Variants in SH3TC1 observed in about 807,000 individuals in gnomAD.
The protein encoded by SH3TC1 is SH3 domain and tetratricopeptide repeats 1, also known as SH3 domain and tetratricopeptide repeat-containing protein 1.
A neutral mutation model predicts 117.3 loss-of-function variants in SH3TC1; 135 were observed. The ratio of observed to expected loss-of-function variants is 1.15; its 90% CI spans 1.00 to 1.33. SH3TC1 has a LOEUF of 1.33. Among genes scored for constraint, SH3TC1 ranks in the 40% most tolerant of loss-of-function variants. SH3TC1 has a pLI of 0.00. For missense variants in SH3TC1, 2,092 were observed against 1,794.3 expected (o/e 1.17, Z -3.00); for synonymous variants, 898 against 816.9 (o/e 1.10, Z -1.69).
At chr4:8,200,629 C>T (rs1365292783) in intron 1 of SH3TC1, among the ~76,000 whole-genome samples, 1 of 152,228 alleles carries the variant, frequency 6.6e-6, no homozygotes, top group Non-Finnish European at 1.5e-5. Flanking sequence ...AAGAGCAAGG[C>T]AGGGCCCAGC....
At chr4:8,221,244 G>A (rs1333940214) in intron 9 of SH3TC1, among the ~76,000 whole-genome samples, 1 of 152,206 alleles carries the variant, frequency 6.6e-6, no homozygotes, top group Non-Finnish European at 1.5e-5. Context: ...CTTACAAGGG[G>A]TCAGAGAAGA....
chr4:8,203,267 T>TGTGCGG (rs1418882735), intron 1 of SH3TC1, among the ~76,000 whole-genome samples: 1 of 131,434 alleles, frequency 7.6e-6, no homozygotes, highest in African/African-American at 2.6e-5. Context: ...GTCTGACAGG[T>TGTGCGG]GTGCGGGTGC....
intron 12 of SH3TC1, among the ~76,000 whole-genome samples, chr4:8,230,969 C>T (rs1014244747): frequency 4.6e-5 from 7 of 151,552 alleles, no homozygotes; most frequent in East Asian, 1.9e-4. Flanking sequence ...TTTGTAGAGA[C>T]GGGGGTTTCA....
chr4:8,227,647 G>T lies in SH3TC1; in HGVS notation c.1953G>T (p.Ala651=). ...CGGAGGGGGAGCTCCTGCAGCTGGC[G>T]CTGCGGCGGGCGGTGGGTGGCCAGA... The part of the protein sequence containing the change: ...TEAEGELLQL[A]LRRAVGGQSL... The change falls in exon 12 of 18, where the codon GCG becomes GCT. Residue 651 remains alanine, a synonymous_variant. Transcript: ENST00000245105. 2.0e-6 allele frequency: 3 copies of T among 1,526,684 alleles called. No homozygotes were observed. Among genetic ancestry groups the T allele is most frequent in the South Asian group, 2.6e-5 (2 of 76,216 alleles). The allele number at this position is 1,526,684 out of a possible 1,614,324, so 94.6% of individuals were successfully genotyped here. A position where few individuals can be genotyped will look rare whatever the true frequency, so the allele number is the denominator to read the frequency against.
chr4:8,239,199 G>C (rs1161908211), intron 17 of SH3TC1, among the ~76,000 whole-genome samples: 4 of 149,798 alleles, frequency 2.7e-5, no homozygotes, highest in African/African-American at 7.6e-5. Context: ...ACTAGCTGCT[G>C]CACGCACTAC....
chr4:8,212,814 G>T lies in SH3TC1; in HGVS notation c.361G>T (p.Ala121Ser), dbSNP rs1486065797. Residue 121 changes from alanine (A) to serine (S), a missense_variant, in exon 4 of 18, where the codon GCC (alanine) becomes TCC (serine). By Grantham distance (99) the Ala-to-Ser change is moderately conservative. Transcript: ENST00000245105. Reference protein sequence around the residue: ...RLLENDSREMARVLGELSARL... With the variant: ...RLLENDSREMSRVLGELSARL... ...GCTGGAGAATGATAGCCGGGAGATG[G>T]CCCGCGTGCTTGGGGTGAGTAGCCC... The T allele has an allele frequency of 3.1e-6, 5 of 1,589,942 alleles. No homozygotes were observed. Among genetic ancestry groups the T allele is most frequent in the Non-Finnish European group, 3.4e-6 (4 of 1,168,402 alleles).
rs1718219257 is a variant in SH3TC1 at position 8,206,476 on chromosome 4, G to A, written c.172+1110G>A. On this transcript the variant is annotated intron_variant, in intron 2 of 17. Coordinates refer to ENST00000245105, the MANE Select transcript of SH3TC1 (RefSeq NM_018986.5). The surrounding 1 kb of genome is among the most constrained non-coding windows in gnomAD (Gnocchi z 5.5). ...GGCCAGCCTCCCACAGAGCCGCGGG[G>A]CCCAGGGAGGAGCTGGGAGCCTCTG... Among the ~76,000 whole-genome samples the A allele has an allele frequency of 6.6e-6, 1 of 152,140 alleles. No homozygotes were observed. The highest frequency in any genetic ancestry group is 2.4e-5 in the African/African-American group (1 of 41,438).
chr4:8,224,827 G>A (rs560518341), intron 10 of SH3TC1, among the ~76,000 whole-genome samples: 1 of 152,340 alleles, frequency 6.6e-6, no homozygotes, highest in Non-Finnish European at 1.5e-5. Flanking sequence ...CTGATGATGG[G>A]AGGATGTCCC....
chr4:8,236,207 T>A, intron 15 of SH3TC1, 71 bp from the exon 16 acceptor site: 2 of 1,461,282 alleles, frequency 1.4e-6, no homozygotes, highest in Non-Finnish European at 1.8e-6. Flanking sequence ...GAGCACATGT[T>A]TGAGCTCTGA....
At chr4:8,218,208 C>T in intron 7 of SH3TC1, 63 bp from the exon 8 acceptor site, 2 of 1,349,140 alleles carry the variant, frequency 1.5e-6, no homozygotes, top group Non-Finnish European at 2.1e-6. Context: ...CCAGTCTCTG[C>T]ACAGGATGTA....
At chr4:8,235,731 A>AACACTTGGGGCCTGGACAC (rs975602541) in intron 15 of SH3TC1, 176 bp downstream of exon 15, 1 of 874,700 alleles carries the variant, frequency 1.1e-6, no homozygotes, top group African/African-American at 1.7e-5. Context: ...GCCCGGGACA[A>AACACTTGGGGCCTGGACAC]ACACTTGGGG....
intron 6 of SH3TC1, among the ~76,000 whole-genome samples, 162 bp from the exon 7 acceptor site, chr4:8,216,795 A>T (rs1004380906): frequency 6.6e-5 from 10 of 151,772 alleles, no homozygotes; most frequent in Non-Finnish European, 1.2e-4. Flanking sequence ...CCCTGGGCCC[A>T]CCTCTCCTTC....
rs1184515853 is a variant in SH3TC1 at position 8,233,446 on chromosome 4, C to G, written c.3215C>G (p.Ala1072Gly). ...DLQKKEKEAH[A>G]WLQAGKIYYI... Reference sequence around the variant, plus strand: ...CAGAAGAAAGAGAAGGAGGCGCATGCCTGGCTGCAAGCAGGGAAGATCTAT... The same window carrying G: ...CAGAAGAAAGAGAAGGAGGCGCATGGCTGGCTGCAAGCAGGGAAGATCTAT... Residue 1072 changes from alanine to glycine, a missense_variant, in exon 14 of 18, where the codon GCC becomes GGC. Ala to Gly is a moderately conservative substitution (Grantham distance 60). Transcript: ENST00000245105. 6.2e-7 allele frequency: 1 copy of G among 1,613,910 alleles called. No individual in the cohort carries two copies. Among genetic ancestry groups the G allele is most frequent in the Non-Finnish European group, 8.5e-7 (1 of 1,179,906 alleles).
At chr4:8,223,061 A>G in intron 10 of SH3TC1, 91 bp downstream of exon 10, 2 of 1,495,094 alleles carry the variant, frequency 1.3e-6, no homozygotes, top group Non-Finnish European at 1.8e-6. Flanking sequence ...AGATAGTGCC[A>G]GCCCCTGGAT....
At chr4:8,229,009 G>GGT (rs1720864276) in intron 12 of SH3TC1, 1 of 234,362 alleles carries the variant, frequency 4.3e-6, no homozygotes, top group Non-Finnish European at 8.3e-6. Context: ...CCATGAGCCA[G>GGT]GCCCTGAACG....
Position 8,210,726 on chromosome 4 carries a change from C to T in SH3TC1, c.247+904C>T, listed in dbSNP as rs998762993. ...AGTGAGCCGAGATTGCGCCATTGCACTCCAGCCTGGGCAACTTCTGAAAAA... is the reference window on the plus strand; with the variant it reads ...AGTGAGCCGAGATTGCGCCATTGCATTCCAGCCTGGGCAACTTCTGAAAAA... On this transcript the variant is annotated intron_variant, in intron 3 of 17. Coordinates refer to ENST00000245105, the MANE Select transcript of SH3TC1 (RefSeq NM_018986.5). The surrounding 1 kb of genome is among the most constrained non-coding windows in gnomAD (Gnocchi z 4.1). 3.9e-5 allele frequency among the ~76,000 whole-genome samples: 5 copies of T among 128,964 alleles called. No homozygotes were observed. The highest frequency in any genetic ancestry group is 4.7e-5 in the Non-Finnish European group (3 of 64,286). 84.6% of individuals were successfully genotyped at this position (128,964 alleles called of 152,430 possible). A position where few individuals can be genotyped will look rare whatever the true frequency, so the allele number is the denominator to read the frequency against.
Position 8,214,540 on chromosome 4 carries a change from T to G in SH3TC1, c.441T>G (p.Thr147=). The G allele has an allele frequency of 6.2e-7, 1 of 1,613,932 alleles. No individual in the cohort carries two copies. Among genetic ancestry groups the G allele is most frequent in the South Asian group, 1.1e-5 (1 of 91,070 alleles). Residue 147 remains threonine, a synonymous_variant, in exon 5 of 18, where the codon ACT becomes ACG. Coordinates refer to ENST00000245105, the MANE Select transcript of SH3TC1 (RefSeq NM_018986.5). ...ACCGGATCGTGGTGACGTTTAAGAC[T>G]TTTGAAGAAATCTGGAAGTTTTCCA... ...DQDRIVVTFK[T]FEEIWKFSTY... is the part of the protein sequence containing the mutation.
chr4:8,232,934 C>T, intron 13 of SH3TC1: 2 of 1,192,982 alleles, frequency 1.7e-6, no homozygotes, highest in Non-Finnish European at 2.1e-6. Context: ...CTAGGGCCCG[C>T]CCCAGGCCCG....
intron 10 of SH3TC1, chr4:8,224,921 A>G: frequency 2.0e-6 from 1 of 496,282 alleles, no homozygotes; most frequent in Non-Finnish European, 3.6e-6. Flanking sequence ...TCTCTGGCCC[A>G]TTGGCTGGTG....
Sources: allele counts gnomAD v4.1 joint callset (sites outside exome capture counted in the v4.1 genomes callset), GRCh38; gene constraint gnomAD v4.1.1; non-coding constraint Gnocchi (gnomAD v3.1); transcripts MANE v1.5; gene names NCBI Gene and HGNC (gene_info 2026-07-23, HGNC 2026-07-21).